The following FAT2 variants were observed in gnomAD, a reference collection of about 807,000 sequenced individuals.
FAT2 encodes protocadherin Fat 2.
In FAT2, 150 loss-of-function variants were observed where a neutral mutation model predicts 295.3. That is an observed-to-expected ratio of 0.51 (90% CI 0.44 to 0.58). FAT2 has a LOEUF of 0.58. Ranked by LOEUF, FAT2 falls within the 20% of genes least tolerant of loss-of-function variation. FAT2 has a pLI of 0.00. For synonymous variants in FAT2, 2,026 were observed against 2,150.3 expected, an observed-to-expected ratio of 0.94 and a Z score of 1.60; for missense variants, 4,868 against 5,442.7, an observed-to-expected ratio of 0.89 and a Z score of 3.32.
In FAT2 at chr5:151,542,992, A is replaced by G. The variant is rs375059590; in HGVS notation, c.8135T>C (p.Ile2712Thr). Reference sequence around the variant, plus strand: ...ATCTTGAGCTGCCACTGCTTTAACAATCCCAATTTCAGACCCCTCTGGAAG... The same window carrying G: ...ATCTTGAGCTGCCACTGCTTTAACAGTCCCAATTTCAGACCCCTCTGGAAG... ...EDLPEGSEIG[I>T]VKAVAAQDPV... Residue 2712 changes from isoleucine (I) to threonine (T), a missense_variant, in exon 10 of 24, where the codon ATT (isoleucine) becomes ACT (threonine). By Grantham distance (89) the Ile-to-Thr change is moderately conservative (BLOSUM62 -1). Coordinates refer to ENST00000261800, the MANE Select transcript of FAT2 (RefSeq NM_001447.3). 10 of 1,614,206 alleles carry G rather than the reference A, an allele frequency of 6.2e-6. No individual in the cohort carries two copies. The highest frequency in any genetic ancestry group is 5.0e-5 in the Admixed American group (3 of 60,018).
rs1285083845 is a variant in FAT2, at chr5:151,505,942, C to G, written c.12673G>C (p.Gly4225Arg). 1 of 1,581,076 alleles carries G rather than the reference C, an allele frequency of 6.3e-7. No individual in the cohort carries two copies. The highest frequency in any genetic ancestry group is 8.6e-7 in the Non-Finnish European group (1 of 1,166,644). ...VMPEPNGLYG[G>R]FPFPLEMENK... The stretch of plus-strand genomic sequence containing the variant: ...TCCATCTCCAGGGGGAAGGGGAAGC[C>G]CCCATAGAGGCCATTAGGCTCTGGC... The change falls in exon 24 of 24, where the codon GGC (glycine) becomes CGC (arginine). Residue 4225 changes from glycine (G) to arginine (R), a missense_variant. By Grantham distance (125) the Gly-to-Arg change is moderately radical. Transcript: ENST00000261800.
chr5:151,505,124 G>C lies in FAT2; in HGVS notation c.*441C>G, dbSNP rs1159628689. 1.1e-5 allele frequency: 3 copies of C among 262,320 alleles called. No homozygotes were observed. Among genetic ancestry groups the C allele is most frequent in the African/African-American group, 2.3e-5 (1 of 43,208 alleles). 16.2% of individuals were successfully genotyped at this position (262,320 alleles called of 1,614,324 possible). A position where few individuals can be genotyped will look rare whatever the true frequency, so the allele number is the denominator to read the frequency against. On this transcript the variant is annotated 3_prime_UTR_variant, in exon 24 of 24. Coordinates refer to ENST00000261800, the MANE Select transcript of FAT2 (RefSeq NM_001447.3). ...CCTCTAGAGCTCCTCTGTACGGCCC[G>C]CGTAGTGGTTGTCTGTCAGGCACCA...
intron 23 of FAT2, among the ~76,000 whole-genome samples, chr5:151,506,420 A>C (rs165338): frequency 0.15 from 22,554 of 152,244 alleles, 2,024 homozygotes; most frequent in Non-Finnish European, 0.21. Flanking sequence ...CCCAAGTCCT[A>C]CTGGTGAGTT....
Position 151,566,098 on chromosome 5 carries a change from G to C in FAT2, c.2834C>G (p.Thr945Arg). ...PEDLPPGTVL[T>R]FLDASDPDLG... is the part of the protein sequence containing the mutation. ...GTCAGGATCAGAGGCATCCAGAAAT[G>C]TCAAGACAGTCCCGGGGGGCAGGTC... Residue 945 changes from threonine (T) to arginine (R), a missense_variant, in exon 2 of 24, where the codon ACA (threonine) becomes AGA (arginine). Physicochemically the swap from Thr to Arg is moderately conservative, Grantham distance 71. Coordinates refer to ENST00000261800, the MANE Select transcript of FAT2 (RefSeq NM_001447.3). 1 of 1,614,178 alleles carries C rather than the reference G, an allele frequency of 6.2e-7. No individual in the cohort carries two copies. The highest frequency in any genetic ancestry group is 8.5e-7 in the Non-Finnish European group (1 of 1,180,042).
rs1448203653 is a variant in FAT2, at chr5:151,568,671, A to G, written c.261T>C (p.Tyr87=). The part of the protein sequence containing the change: ...DVANVFKTEE[Y]VVGNFCFLRI... ...TTAGGAAGCAGAAGTTGCCCACCAC[A>G]TACTCCTCAGTTTTAAATACATTGG... The change falls in exon 2 of 24, where the codon TAT becomes TAC. Residue 87 remains tyrosine, a synonymous_variant. Transcript: ENST00000261800. The G allele has an allele frequency of 1.2e-6, 2 of 1,614,088 alleles. No individual in the cohort carries two copies. Among genetic ancestry groups the G allele is most frequent in the Non-Finnish European group, 1.7e-6 (2 of 1,180,032 alleles).
intron 1 of FAT2, among the ~76,000 whole-genome samples, chr5:151,577,817 G>T (rs1758801725): frequency 6.6e-6 from 1 of 152,142 alleles, no homozygotes; most frequent in Admixed American, 6.5e-5. Context: ...TCTTAGGGTT[G>T]TCTGTACGGA....
rs60028903 is a variant in FAT2, at chr5:151,512,043, T to A, written c.11905+122A>T. 2,836 of 839,774 alleles carry A rather than the reference T, an allele frequency of 3.4e-3. 57 individuals are homozygous for A. In the African/African-American group the frequency reaches 0.042, roughly 13 times the overall value. 52.0% of individuals were successfully genotyped at this position (839,774 alleles called of 1,614,324 possible). A position where few individuals can be genotyped will look rare whatever the true frequency, so the allele number is the denominator to read the frequency against. Reference sequence around the variant, plus strand: ...CAGATTCCAACCTGTTACTCACAAGTTAGGGGAAGAGAGAGAAATTTGGAA... The same window carrying A: ...CAGATTCCAACCTGTTACTCACAAGATAGGGGAAGAGAGAGAAATTTGGAA... On this transcript the variant is annotated intron_variant, in intron 21 of 23. Transcript: ENST00000261800. The surrounding 1 kb of genome is among the most constrained non-coding windows in gnomAD (Gnocchi z 4.1).
chr5:151,531,081 G>C lies in FAT2; in HGVS notation c.9811+506C>G, dbSNP rs766841584. ...CCTGACTTTGAGTCTTCTGTGGCTA[G>C]TAGGAAAGAAGTGAGACGGTTTCCT... On this transcript the variant is annotated intron_variant, in intron 14 of 23. Transcript: ENST00000261800. This position sits in a 1 kb window ranked among gnomAD's most constrained non-coding sequence, Gnocchi z 5.7. 5.9e-4 allele frequency among the ~76,000 whole-genome samples: 90 copies of C among 152,172 alleles called. No homozygotes were observed. Among genetic ancestry groups the C allele is most frequent in the Non-Finnish European group, 1.2e-3 (84 of 68,022 alleles).
At chr5:151,560,147 A>G (rs145974795) in intron 3 of FAT2, among the ~76,000 whole-genome samples, 1 of 152,260 alleles carries the variant, frequency 6.6e-6, no homozygotes, top group East Asian at 1.9e-4. Context: ...GTCTTGCCCA[A>G]GCTGCCTTTC....
chr5:151,569,076 G>A, intron 1 of FAT2, 125 bp from the exon 2 acceptor site: 2 of 969,790 alleles, frequency 2.1e-6, no homozygotes, highest in Non-Finnish European at 3.0e-6. Flanking sequence ...GATACTTTTG[G>A]CTGACCCAGC....
intron 1 of FAT2, among the ~76,000 whole-genome samples, chr5:151,579,306 T>G (rs1353568841): frequency 6.6e-6 from 1 of 152,220 alleles, no homozygotes; most frequent in African/African-American, 2.4e-5. Context: ...GCATGGTGGC[T>G]CATGCCTGTA....
Position 151,527,308 on chromosome 5 carries a change from T to C in FAT2, c.10234A>G (p.Ile3412Val). The C allele has an allele frequency of 1.9e-6, 3 of 1,613,856 alleles. No homozygotes were observed. Among genetic ancestry groups the C allele is most frequent in the Admixed American group, 1.7e-5 (1 of 60,010 alleles). Residue 3412 changes from isoleucine (I) to valine (V), a missense_variant, in exon 17 of 24, where the codon ATC becomes GTC. Around this residue, in one of 5 missense-constraint regions of FAT2, gnomAD observed 1,046 missense variants for 1,210.1 expected, o/e 0.86. Coordinates refer to ENST00000261800, the MANE Select transcript of FAT2 (RefSeq NM_001447.3). Reference sequence around the variant, plus strand: ...TTGACATCAGCCACTTGGATAGCGATGTCTGTGTCCTCATGCAGTGGAGGC... The same window carrying C: ...TTGACATCAGCCACTTGGATAGCGACGTCTGTGTCCTCATGCAGTGGAGGC... ...GQPPLHEDTD[I>V]AIQVADVNDN...
At chr5:151,584,977 A>T (rs1458350125) in intron 1 of FAT2, among the ~76,000 whole-genome samples, 2 of 152,224 alleles carry the variant, frequency 1.3e-5, no homozygotes, top group African/African-American at 4.8e-5. Context: ...TGTATTTTTT[A>T]AAAAACAGCC....
chr5:151,531,554 G>A lies in FAT2; in HGVS notation c.9811+33C>T, dbSNP rs565714832. ...CAGCGCTCCCAGAAACCCTGTACGC[G>A]ATGCTTTGGGGCTTGGTGGATCAGG... On this transcript the variant is annotated intron_variant, in intron 14 of 23. Coordinates refer to ENST00000261800, the MANE Select transcript of FAT2 (RefSeq NM_001447.3). The surrounding 1 kb of genome is among the most constrained non-coding windows in gnomAD (Gnocchi z 5.7). 18 of 1,610,330 alleles carry A rather than the reference G, an allele frequency of 1.1e-5. No individual in the cohort carries two copies. The South Asian group carries it at 1.3e-4, about 12-fold the overall frequency.
At chr5:151,577,614 T>C (rs1284383936) in intron 1 of FAT2, among the ~76,000 whole-genome samples, 1 of 152,076 alleles carries the variant, frequency 6.6e-6, no homozygotes, top group African/African-American at 2.4e-5. Context: ...AAGGTGACAT[T>C]TGGGCAGGGA....
In FAT2 at chr5:151,505,477, C is replaced by G. The variant is rs898482147; in HGVS notation, c.*88G>C. 3 of 1,520,028 alleles carry G rather than the reference C, an allele frequency of 2.0e-6. No individual in the cohort carries two copies. The highest frequency in any genetic ancestry group is 1.8e-6 in the Non-Finnish European group (2 of 1,115,700). The allele number at this position is 1,520,028 out of a possible 1,614,324, so 94.2% of individuals were successfully genotyped here. Reference sequence around the variant, plus strand: ...AGGGCTTCCCTCCCACTCTCCCAGCCACACTCAACTCACCCCCTACGAGAC... The same window carrying G: ...AGGGCTTCCCTCCCACTCTCCCAGCGACACTCAACTCACCCCCTACGAGAC... On this transcript the variant is annotated 3_prime_UTR_variant, in exon 24 of 24. Transcript: ENST00000261800.
intron 7 of FAT2, 136 bp downstream of exon 7, chr5:151,551,331 T>G (rs1757190462): frequency 1.1e-6 from 1 of 898,310 alleles, no homozygotes; most frequent in Non-Finnish European, 1.7e-6. Context: ...GAGAGTGTAT[T>G]AGACAAGAAC....
rs1173708673 is a variant in FAT2, at chr5:151,553,114, A to G, written c.4156+63T>C. 3.9e-6 allele frequency: 6 copies of G among 1,524,582 alleles called. No homozygotes were observed. In the East Asian group the frequency reaches 1.1e-4, roughly 29 times the overall value. The allele number at this position is 1,524,582 out of a possible 1,614,324, so 94.4% of individuals were successfully genotyped here. A position where few individuals can be genotyped will look rare whatever the true frequency, so the allele number is the denominator to read the frequency against. Reference sequence around the variant, plus strand: ...GAGTCAGAAGGACTGTAGCAGGAAAACTAGAGCTGGTGTATAAGGATGGGA... The same window carrying G: ...GAGTCAGAAGGACTGTAGCAGGAAAGCTAGAGCTGGTGTATAAGGATGGGA... On this transcript the variant is annotated intron_variant, in intron 6 of 23. Coordinates refer to ENST00000261800, the MANE Select transcript of FAT2 (RefSeq NM_001447.3).
At chr5:151,508,745 C>T (rs1022678057) in intron 22 of FAT2, among the ~76,000 whole-genome samples, 49 of 151,900 alleles carry the variant, frequency 3.2e-4, no homozygotes, top group South Asian at 4.2e-4. Flanking sequence ...CATCAGCATA[C>T]CCAGAGTAAT....
Sources: allele counts gnomAD v4.1 joint callset (sites outside exome capture counted in the v4.1 genomes callset), GRCh38; gene constraint gnomAD v4.1.1; regional missense constraint gnomAD v4.1.1; non-coding constraint Gnocchi (gnomAD v3.1); transcripts MANE v1.5; gene names NCBI Gene and HGNC (gene_info 2026-07-23, HGNC 2026-07-21).